Variants in RHOBTB2 observed in about 807,000 individuals in gnomAD.
RHOBTB2 encodes the protein Rho related BTB domain containing 2.
A neutral mutation model predicts 66.5 loss-of-function variants in RHOBTB2; 39 were observed. The ratio of observed to expected loss-of-function variants is 0.59; its 90% CI spans 0.45 to 0.77. The LOEUF is 0.77. Ranked by LOEUF, RHOBTB2 falls within the 30% of genes least tolerant of loss-of-function variation. RHOBTB2 has a pLI of 0.00. For synonymous variants in RHOBTB2, 390 were observed against 395.0 expected (o/e 0.99, Z 0.15); for missense variants, 755 against 999.1 (o/e 0.76, Z 3.29).
chr8:22,953,089 G>GCGCGGTGGGCTGTCCACCTC, the RHOBTB2 span, among the ~76,000 whole-genome samples: 1 of 152,162 alleles, frequency 6.6e-6, no homozygotes, highest in African/African-American at 2.4e-5. Flanking sequence ...CTGTCCACCT[G>GCGCGGTGGGCTGTCCACCTC]CGCAGTGGCC....
chr8:22,981,027 G>A, the RHOBTB2 span, among the ~76,000 whole-genome samples: 1 of 152,220 alleles, frequency 6.6e-6, no homozygotes, highest in African/African-American at 2.4e-5. Context: ...TGTTTGTAGA[G>A]ATTAAAGCAA....
At position 23,017,360 on chromosome 8, in the gene RHOBTB2, A is replaced by C; in HGVS notation, c.2075A>C (p.His692Pro). ...RKEREKEDYLHLKRQPKRRWL... is the reference protein window; with the variant it reads ...RKEREKEDYLPLKRQPKRRWL... ...GAGCGTGAGAAGGAGGACTACCTCC[A>C]CCTCAAGCGGCAGCCCAAACGGCGT... The change falls in exon 10 of 10, where the codon CAC (histidine) becomes CCC (proline). Residue 692 changes from histidine (H) to proline (P), a missense_variant. This residue lies in a region of RHOBTB2 where 353 missense variants were observed against 458.2 expected (regional missense o/e 0.77). Coordinates refer to ENST00000251822, the MANE Select transcript of RHOBTB2 (RefSeq NM_015178.3). This position sits in a 1 kb window ranked among gnomAD's most constrained non-coding sequence, Gnocchi z 5.3. The C allele has an allele frequency of 1.2e-6, 2 of 1,614,146 alleles. No homozygotes were observed. The highest frequency in any genetic ancestry group is 1.7e-6 in the Non-Finnish European group (2 of 1,180,024).
At chr8:23,000,551 T>G (rs544630299) in intron 1 of RHOBTB2, among the ~76,000 whole-genome samples, 1 of 152,316 alleles carries the variant, frequency 6.6e-6, no homozygotes, top group African/African-American at 2.4e-5. Context: ...GTGAAACTAC[T>G]GGGGAGATCT....
At position 22,999,741 on chromosome 8, in the gene RHOBTB2, G is replaced by C; in HGVS notation, c.-375G>C. ...TTCGCCGCGGGCCCGGGCGCGTAGCGGCGGCGGCCTCGCCCCTCTCCCGGC... is the reference window on the plus strand; with the variant it reads ...TTCGCCGCGGGCCCGGGCGCGTAGCCGCGGCGGCCTCGCCCCTCTCCCGGC... On this transcript the variant is annotated 5_prime_UTR_variant, in exon 1 of 10. Coordinates refer to ENST00000251822, the MANE Select transcript of RHOBTB2 (RefSeq NM_015178.3). 1 of 1,079,150 alleles carries C rather than the reference G, an allele frequency of 9.3e-7. No homozygotes were observed. The highest frequency in any genetic ancestry group is 1.1e-6 in the Non-Finnish European group (1 of 884,218). The allele number at this position is 1,079,150 out of a possible 1,614,324, so 66.8% of individuals were successfully genotyped here.
At chr8:23,005,577 G>C (rs1810923185) in intron 3 of RHOBTB2, 102 bp downstream of exon 3, 1 of 842,112 alleles carries the variant, frequency 1.2e-6, no homozygotes, top group Non-Finnish European at 2.0e-6. Flanking sequence ...CTGGCAAGAA[G>C]AAGTGGAGAA....
Position 23,017,720 on chromosome 8 carries a change from G to T in RHOBTB2, c.*251G>T, listed in dbSNP as rs544191528. The T allele has an allele frequency of 3.7e-6, 2 of 546,452 alleles. No homozygotes were observed. Among genetic ancestry groups the T allele is most frequent in the Non-Finnish European group, 6.5e-6 (2 of 308,758 alleles). 33.9% of individuals were successfully genotyped at this position (546,452 alleles called of 1,614,324 possible). Reference sequence around the variant, plus strand: ...ACGGGAGACAACTGCTTGGAGGAGCGAAGAGCCCTGGCATTTTATCTCTGG... The same window carrying T: ...ACGGGAGACAACTGCTTGGAGGAGCTAAGAGCCCTGGCATTTTATCTCTGG... On this transcript the variant is annotated 3_prime_UTR_variant, in exon 10 of 10. Coordinates refer to ENST00000251822, the MANE Select transcript of RHOBTB2 (RefSeq NM_015178.3). This position sits in a 1 kb window ranked among gnomAD's most constrained non-coding sequence, Gnocchi z 5.3.
At chr8:22,952,898 TC>T in the RHOBTB2 span, among the ~76,000 whole-genome samples, 1 of 151,612 alleles carries the variant, frequency 6.6e-6, no homozygotes, top group African/African-American at 2.4e-5. Context: ...AGAGTGAAAC[TC>T]CTGTTCAAAA....
chr8:22,967,588 A>G, the RHOBTB2 span, among the ~76,000 whole-genome samples: 2 of 148,022 alleles, frequency 1.4e-5, no homozygotes, highest in East Asian at 4.0e-4. Flanking sequence ...GGGCGACAAT[A>G]GCAAAACTCT....
intron 6 of RHOBTB2, 96 bp from the exon 7 acceptor site, chr8:23,010,442 G>C (rs923142750): frequency 7.1e-7 from 1 of 1,405,792 alleles, no homozygotes; most frequent in Non-Finnish European, 9.7e-7. Context: ...GGGGGAGCCT[G>C]GGTGTGAGGG....
In RHOBTB2 at chr8:23,006,773, G is replaced by A; in HGVS notation, c.528G>A (p.Glu176=). Residue 176 remains glutamate, a synonymous_variant, in exon 5 of 10, where the codon GAG becomes GAA. Transcript: ENST00000251822. The surrounding 1 kb of genome is among the most constrained non-coding windows in gnomAD (Gnocchi z 6.1). ...TCCTGCCCCCAGAGAAGGGTCGGGA[G>A]GTGGCCAAGGAGCTGGGCATCCCCT... is the stretch of plus-strand genomic sequence containing the variant. ...NEILPPEKGR[E]VAKELGIPYY... 1.9e-6 allele frequency: 3 copies of A among 1,614,060 alleles called. No individual in the cohort carries two copies. The highest frequency in any genetic ancestry group is 1.7e-6 in the Non-Finnish European group (2 of 1,180,014).
chr8:22,969,487 A>AAT, the RHOBTB2 span, among the ~76,000 whole-genome samples: 1 of 152,254 alleles, frequency 6.6e-6, no homozygotes, highest in Non-Finnish European at 1.5e-5. Context: ...ACCGTGAACA[A>AAT]ATAATCACAG....
chr8:23,018,789 G>C lies in RHOBTB2; in HGVS notation c.*1320G>C, dbSNP rs1346344153. ...GGCTGCAATAGGGGCCAAAAGTCAGGGAAAGGGGCACTGACCTGTAGTGAA... is the reference window on the plus strand; with the variant it reads ...GGCTGCAATAGGGGCCAAAAGTCAGCGAAAGGGGCACTGACCTGTAGTGAA... On this transcript the variant is annotated 3_prime_UTR_variant, in exon 10 of 10. Transcript: ENST00000251822. The C allele has an allele frequency of 6.5e-6, 1 of 152,750 alleles. No individual in the cohort carries two copies. The highest frequency in any genetic ancestry group is 2.4e-5 in the African/African-American group (1 of 41,470). 9.5% of individuals were successfully genotyped at this position (152,750 alleles called of 1,614,324 possible).
intron 9 of RHOBTB2, among the ~76,000 whole-genome samples, chr8:23,016,709 G>A (rs1054144049): frequency 1.1e-4 from 16 of 152,150 alleles, no homozygotes; most frequent in Admixed American, 9.2e-4. Flanking sequence ...ACTGCACCCA[G>A]GCTAGCATTT....
chr8:23,018,790 G>A lies in RHOBTB2; in HGVS notation c.*1321G>A, dbSNP rs973868576. Reference sequence around the variant, plus strand: ...GCTGCAATAGGGGCCAAAAGTCAGGGAAAGGGGCACTGACCTGTAGTGAAA... The same window carrying A: ...GCTGCAATAGGGGCCAAAAGTCAGGAAAAGGGGCACTGACCTGTAGTGAAA... On this transcript the variant is annotated 3_prime_UTR_variant, in exon 10 of 10. Coordinates refer to ENST00000251822, the MANE Select transcript of RHOBTB2 (RefSeq NM_015178.3). 2 of 152,736 alleles carry A rather than the reference G, an allele frequency of 1.3e-5. No homozygotes were observed. The highest frequency in any genetic ancestry group is 4.8e-5 in the African/African-American group (2 of 41,464). 9.5% of individuals were successfully genotyped at this position (152,736 alleles called of 1,614,324 possible).
chr8:23,006,614 G>T lies in RHOBTB2; in HGVS notation c.483-114G>T, dbSNP rs1810956250. ...GATTTGGCCAGACAGAGCAGGGCAG[G>T]AGTGGGTGGGGATTGGCACCCAGAT... On this transcript the variant is annotated intron_variant, in intron 4 of 9. Transcript: ENST00000251822. This position sits in a 1 kb window ranked among gnomAD's most constrained non-coding sequence, Gnocchi z 6.1. 1 of 991,298 alleles carries T rather than the reference G, an allele frequency of 1.0e-6. No homozygotes were observed. Among genetic ancestry groups the T allele is most frequent in the East Asian group, 2.4e-5 (1 of 41,598 alleles). The allele number at this position is 991,298 out of a possible 1,614,324, so 61.4% of individuals were successfully genotyped here.
At chr8:22,989,224 T>C (rs1026150574) in intron 1 of RHOBTB2, among the ~76,000 whole-genome samples, 1 of 152,198 alleles carries the variant, frequency 6.6e-6, no homozygotes, top group Non-Finnish European at 1.5e-5. Flanking sequence ...CTTGGCTCAC[T>C]ACAACCTCTG....
chr8:22,980,660 A>C, the RHOBTB2 span, among the ~76,000 whole-genome samples: 1 of 152,332 alleles, frequency 6.6e-6, no homozygotes, highest in South Asian at 2.1e-4. Flanking sequence ...TAATCGGGGC[A>C]ATTTTGATTG....
At chr8:23,009,890 A>C (rs1186144752) in intron 6 of RHOBTB2, among the ~76,000 whole-genome samples, 1 of 152,216 alleles carries the variant, frequency 6.6e-6, no homozygotes, top group Non-Finnish European at 1.5e-5. Flanking sequence ...GCCAGTTCCC[A>C]GCACAGCCTG....
rs900665642 is a variant in RHOBTB2 at position 23,010,660 on chromosome 8, C to G, written c.1743C>G (p.Leu581=). 4.3e-6 allele frequency: 7 copies of G among 1,614,208 alleles called. No individual in the cohort carries two copies. The highest frequency in any genetic ancestry group is 5.9e-6 in the Non-Finnish European group (7 of 1,180,032). ...AGCTCATCATTCTAGCCAACCGCCT[C>G]TGCCTGCCACACCTGGTTGCCCTCA... The part of the protein sequence containing the change: ...DMKLIILANR[L]CLPHLVALTE... Residue 581 remains leucine, a synonymous_variant, in exon 7 of 10, where the codon CTC becomes CTG. Coordinates refer to ENST00000251822, the MANE Select transcript of RHOBTB2 (RefSeq NM_015178.3).
Sources: gnomAD v4.1 joint callset for allele counts (sites outside exome capture counted in the v4.1 genomes callset) on GRCh38, gnomAD v4.1.1 for gene constraint, gnomAD v4.1.1 regional missense constraint, Gnocchi (gnomAD v3.1) non-coding constraint, MANE v1.5 for transcripts, NCBI Gene and HGNC (gene_info 2026-07-23, HGNC 2026-07-21) for gene names.